ZC3H3: variants seen among roughly 807,000 people sequenced by gnomAD.
ZC3H3 encodes zinc finger CCCH-type containing 3.
ZC3H3 carries 36 observed loss-of-function variants against 77.3 expected under a neutral mutation model. That is an observed-to-expected ratio of 0.47 (90% confidence interval 0.36 to 0.61). The LOEUF (loss-of-function observed/expected upper bound fraction) is 0.61. Among genes scored for constraint, ZC3H3 ranks in the 20% least tolerant of loss-of-function variants. ZC3H3 has a pLI of 0.00. For missense variants in ZC3H3, 1,331 were observed against 1,312.2 expected (o/e 1.01, Z -0.22); for synonymous variants, 626 against 555.2 (o/e 1.13, Z -1.79).
chr8:143,492,441 A>G (rs410822), intron 4 of ZC3H3, among the ~76,000 whole-genome samples: 3 of 151,990 alleles, frequency 2.0e-5, no homozygotes, highest in African/African-American at 4.8e-5. Flanking sequence ...CTGGCCCTGA[A>G]CCTCTGCAGC....
intron 4 of ZC3H3, among the ~76,000 whole-genome samples, chr8:143,483,283 T>C (rs1156836374): frequency 2.0e-5 from 3 of 152,180 alleles, no homozygotes; most frequent in Non-Finnish European, 4.4e-5. Flanking sequence ...AGGGCGAGCA[T>C]GCATGTGTGT....
chr8:143,517,363 G>T (rs78273636), intron 3 of ZC3H3, among the ~76,000 whole-genome samples: 2 of 152,166 alleles, frequency 1.3e-5, no homozygotes, highest in Admixed American at 1.3e-4. Context: ...AGCTAAGGGG[G>T]TTCCCAAAAA....
chr8:143,514,352 G>A (rs555532896), intron 3 of ZC3H3, among the ~76,000 whole-genome samples: 274 of 152,252 alleles, frequency 1.8e-3, no homozygotes, highest in African/African-American at 6.3e-3. Context: ...CTCGGGCCCT[G>A]GTCTCCCCAG....
At chr8:143,472,131 C>T (rs991870257) in intron 5 of ZC3H3, among the ~76,000 whole-genome samples, 19 of 152,376 alleles carry the variant, frequency 1.2e-4, no homozygotes, top group African/African-American at 4.1e-4. Flanking sequence ...CCTGCCTGCC[C>T]TGGCTGGCAC....
At chr8:143,506,743 C>T (rs1821708594) in intron 4 of ZC3H3, among the ~76,000 whole-genome samples, 1 of 152,190 alleles carries the variant, frequency 6.6e-6, no homozygotes, top group African/African-American at 2.4e-5. Flanking sequence ...AGGACACCAC[C>T]TGGTGGGCTC....
intron 5 of ZC3H3, 67 bp downstream of exon 5, chr8:143,475,331 C>T (rs1054305578): frequency 1.5e-5 from 23 of 1,529,152 alleles, no homozygotes; most frequent in Admixed American, 5.8e-5. Context: ...GGGGGTCTGG[C>T]CTGCAATGCC....
intron 2 of ZC3H3, 110 bp from the exon 3 acceptor site, chr8:143,536,563 C>T: frequency 8.4e-7 from 1 of 1,186,688 alleles, no homozygotes; most frequent in Non-Finnish European, 1.1e-6. Context: ...AGGCCAGGAC[C>T]AGGCCACAGC....
rs144304194 is a variant in ZC3H3, at chr8:143,539,085, C to T, written c.282G>A (p.Pro94=). The T allele has an allele frequency of 3.3e-5, 54 of 1,612,814 alleles. No homozygotes were observed. The highest frequency in any genetic ancestry group is 4.1e-5 in the Non-Finnish European group (48 of 1,180,010). Residue 94 remains proline, a synonymous_variant, in exon 2 of 12, where the codon CCG becomes CCA. Transcript: ENST00000262577. ...SDPPADHAVR[P]LHGARGGQPP... is the part of the protein sequence containing the mutation. ...GCTGGCCCCCCCGGGCCCCGTGCAACGGCCGCACAGCATGGTCGGCAGGAG... is the reference window on the plus strand; with the variant it reads ...GCTGGCCCCCCCGGGCCCCGTGCAATGGCCGCACAGCATGGTCGGCAGGAG...
In ZC3H3 at chr8:143,465,795, G is replaced by A. The variant is rs1820393030; in HGVS notation, c.2229C>T (p.Pro743=). The A allele has an allele frequency of 1.9e-6, 3 of 1,613,784 alleles. No individual in the cohort carries two copies. In the East Asian group the frequency reaches 6.7e-5, roughly 36 times the overall value. ...LKGICSNSNC[P]YSHVYVSRKA... ...TGCGGGACACGTACACGTGGCTATAGGGACAGTTGCTGTTGCTGCAGATGC... is the reference window on the plus strand; with the variant it reads ...TGCGGGACACGTACACGTGGCTATAAGGACAGTTGCTGTTGCTGCAGATGC... Residue 743 remains proline, a synonymous_variant, in exon 9 of 12, where the codon CCC becomes CCT. Transcript: ENST00000262577.
chr8:143,537,496 G>A (rs769853439), intron 2 of ZC3H3, among the ~76,000 whole-genome samples: 11 of 152,186 alleles, frequency 7.2e-5, no homozygotes, highest in Non-Finnish European at 1.5e-4. Context: ...CCCTAGACAC[G>A]GGGCATGCAG....
intron 5 of ZC3H3, among the ~76,000 whole-genome samples, chr8:143,475,036 C>A (rs940685572): frequency 2.0e-5 from 3 of 152,252 alleles, no homozygotes; most frequent in Non-Finnish European, 4.4e-5. Flanking sequence ...AATCAGGGGC[C>A]GCTCAGCCAC....
At chr8:143,472,821 C>T (rs78266864) in intron 5 of ZC3H3, among the ~76,000 whole-genome samples, 2,589 of 152,304 alleles carry the variant, frequency 0.017, 78 homozygotes, top group African/African-American at 0.06. Context: ...ATCCCAAGGA[C>T]GCACCGCGAC....
Position 143,441,060 on chromosome 8 carries a change from C to G in ZC3H3, c.2368G>C (p.Gly790Arg), listed in dbSNP as rs968822467. 6.8e-7 allele frequency: 1 copy of G among 1,473,976 alleles called. No individual in the cohort carries two copies. 91.3% of individuals were successfully genotyped at this position (1,473,976 alleles called of 1,614,324 possible). A position where few individuals can be genotyped will look rare whatever the true frequency, so the allele number is the denominator to read the frequency against. The change falls in exon 10 of 12, where the codon GGC (glycine) becomes CGC (arginine). Residue 790 changes from glycine to arginine, a missense_variant. This residue lies in a region of ZC3H3 where 249 missense variants were observed against 236.9 expected (regional missense o/e 1.05). Coordinates refer to ENST00000262577, the MANE Select transcript of ZC3H3 (RefSeq NM_015117.3). ...CGGTGGAGCAGCTGGCACTGGGCGC[C>G]GCGGGGACACGCCCCCCTGCGGGCA... is the stretch of plus-strand genomic sequence containing the variant. ...DFARRGACPRGAQCQLLHRTQ... is the reference protein window; with the variant it reads ...DFARRGACPRRAQCQLLHRTQ...
chr8:143,467,308 C>A (rs544963053), intron 8 of ZC3H3, among the ~76,000 whole-genome samples: 66 of 152,234 alleles, frequency 4.3e-4, no homozygotes, highest in Admixed American at 7.2e-4. Flanking sequence ...TTGTTTGCAC[C>A]CCGCCACGTC....
intron 9 of ZC3H3, among the ~76,000 whole-genome samples, chr8:143,461,889 C>T (rs150875350): frequency 6.6e-6 from 1 of 151,692 alleles, no homozygotes; most frequent in Admixed American, 6.6e-5. Context: ...TGCAGCTGTA[C>T]CACTCTAAGT....
Position 143,438,035 on chromosome 8 carries a change from G to A in ZC3H3, c.*21C>T. ...CCAAGGATGAGGGTCTGAGGTAGGT[G>A]CAGGCCGGTCCCTGGGGTCCTCACA... On this transcript the variant is annotated 3_prime_UTR_variant, in exon 12 of 12. Transcript: ENST00000262577. 1 of 1,608,372 alleles carries A rather than the reference G, an allele frequency of 6.2e-7. No homozygotes were observed. The highest frequency in any genetic ancestry group is 8.5e-7 in the Non-Finnish European group (1 of 1,177,646).
chr8:143,453,881 C>T (rs1327081168), intron 9 of ZC3H3, among the ~76,000 whole-genome samples: 1 of 152,086 alleles, frequency 6.6e-6, no homozygotes, highest in Non-Finnish European at 1.5e-5. Flanking sequence ...TTCACTCAAA[C>T]TGGCAAAACG....
chr8:143,446,068 G>GGCGACA lies in ZC3H3; in HGVS notation c.2308-4949_2308-4948insTGTCGC, dbSNP rs1819856247. On this transcript the variant is annotated intron_variant, in intron 9 of 11. Coordinates refer to ENST00000262577, the MANE Select transcript of ZC3H3 (RefSeq NM_015117.3). ...CCGCATCCACGCAGACCTCACGACA[G>GGCGACA]GAGGGAGGGCTGCACCGCACACCCG... 1.3e-5 allele frequency among the ~76,000 whole-genome samples: 2 copies of GGCGACA among 152,174 alleles called. 1 individual carries two copies. Among genetic ancestry groups the GGCGACA allele is most frequent in the South Asian group, 4.1e-4 (2 of 4,828 alleles).
intron 4 of ZC3H3, among the ~76,000 whole-genome samples, chr8:143,501,719 G>C (rs960665516): frequency 6.7e-6 from 1 of 149,970 alleles, no homozygotes; most frequent in African/African-American, 2.5e-5. Flanking sequence ...CATCATGCCC[G>C]GCCCCGGGGC....
Sources: gnomAD v4.1 joint callset for allele counts (sites outside exome capture counted in the v4.1 genomes callset) on GRCh38, gnomAD v4.1.1 for gene constraint, gnomAD v4.1.1 regional missense constraint, MANE v1.5 for transcripts, NCBI Gene and HGNC (gene_info 2026-07-23, HGNC 2026-07-21) for gene names.